The following OPCML variants were observed in gnomAD, a reference collection of about 807,000 sequenced individuals.
OPCML encodes opioid-binding protein/cell adhesion molecule.
A neutral mutation model predicts 37.8 loss-of-function variants in OPCML; 13 were observed. The ratio of observed to expected loss-of-function variants is 0.34; its 90% CI spans 0.22 to 0.55. OPCML has a LOEUF of 0.55. OPCML is among the 20% of genes least tolerant of loss of function. OPCML has a pLI of 0.91. For synonymous variants in OPCML, 176 were observed against 168.8 expected, an observed-to-expected ratio of 1.04 and a Z score of -0.33; for missense variants, 341 against 435.6, an observed-to-expected ratio of 0.78 and a Z score of 1.93.
At chr11:132,781,963 T>A (rs1168718224) in intron 2 of OPCML, among the ~76,000 whole-genome samples, 9 of 143,800 alleles carry the variant, frequency 6.3e-5, no homozygotes, top group Non-Finnish European at 1.1e-4. Context: ...TATTTTTTTT[T>A]TTTTTTTTTC....
chr11:132,694,865 GA>G (rs1461207099), intron 2 of OPCML, among the ~76,000 whole-genome samples: 3 of 151,510 alleles, frequency 2.0e-5, no homozygotes, highest in Non-Finnish European at 4.4e-5. Context: ...ACAAAGGAAG[GA>G]ACAAGCATTT....
intron 4 of OPCML, among the ~76,000 whole-genome samples, chr11:132,497,762 A>G (rs976739889): frequency 3.3e-5 from 5 of 152,192 alleles, no homozygotes; most frequent in Non-Finnish European, 7.3e-5. Flanking sequence ...GGTGGCACTC[A>G]ATGTTTCAGA....
At chr11:133,042,702 C>T (rs1165601839) in intron 1 of OPCML, among the ~76,000 whole-genome samples, 2 of 152,094 alleles carry the variant, frequency 1.3e-5, no homozygotes, top group African/African-American at 4.8e-5. Flanking sequence ...TCCAGGGAAC[C>T]ACAGGGGTAG....
intron 1 of OPCML, among the ~76,000 whole-genome samples, chr11:133,342,887 T>C (rs1943906686): frequency 6.6e-6 from 1 of 152,182 alleles, no homozygotes; most frequent in Admixed American, 6.5e-5. Context: ...TTTTGGAGAC[T>C]CATGAGGAAG....
chr11:133,286,268 G>A (rs1288420617), intron 1 of OPCML, among the ~76,000 whole-genome samples: 1 of 151,932 alleles, frequency 6.6e-6, no homozygotes, highest in African/African-American at 2.4e-5. Flanking sequence ...GGCTAACACA[G>A]TGAAAACCCG....
At chr11:132,534,923 C>G (rs115706826) in intron 3 of OPCML, among the ~76,000 whole-genome samples, 1,939 of 151,856 alleles carry the variant, frequency 0.013, 42 homozygotes, top group African/African-American at 0.039. Context: ...TAATCTGTGC[C>G]TAATTGCTCA....
At chr11:132,683,896 T>G (rs1943057534) in intron 2 of OPCML, among the ~76,000 whole-genome samples, 1 of 152,202 alleles carries the variant, frequency 6.6e-6, no homozygotes, top group Admixed American at 6.5e-5. Context: ...AAGCTCCCTT[T>G]CAGTTTTAAT....
chr11:132,451,281 A>T (rs530156266), intron 4 of OPCML, among the ~76,000 whole-genome samples: 44 of 150,558 alleles, frequency 2.9e-4, no homozygotes, highest in Non-Finnish European at 5.5e-4. Context: ...TCATCCAGGA[A>T]CTCTTCTATC....
chr11:133,484,145 T>TA (rs1947476249), intron 1 of OPCML, among the ~76,000 whole-genome samples: 1 of 147,602 alleles, frequency 6.8e-6, no homozygotes, highest in African/African-American at 2.6e-5. Context: ...AGATGATAGA[T>TA]GGATAGATAG....
chr11:133,072,415 T>G (rs1948552819), intron 1 of OPCML, among the ~76,000 whole-genome samples: 1 of 152,128 alleles, frequency 6.6e-6, no homozygotes, highest in South Asian at 2.1e-4. Context: ...CTGTAAGTTG[T>G]AGGAGGAGTA....
In OPCML at chr11:133,174,058, C is replaced by T. The variant is rs566349267; in HGVS notation, c.62-231048G>A. Among the ~76,000 whole-genome samples, 3 of 152,350 alleles carry T rather than the reference C, an allele frequency of 2.0e-5. No individual in the cohort carries two copies. The South Asian group carries it at 6.2e-4, about 32-fold the overall frequency. On this transcript the variant is annotated intron_variant, in intron 1 of 7. Transcript: ENST00000524381. This position sits in a 1 kb window ranked among gnomAD's most constrained non-coding sequence, Gnocchi z 4.6. ...CAGGCCCTGCACTGCGGCCATAAATCAGGAACTAATTCAATCCTGTGAGAT... is the reference window on the plus strand; with the variant it reads ...CAGGCCCTGCACTGCGGCCATAAATTAGGAACTAATTCAATCCTGTGAGAT...
chr11:132,674,227 T>TCAC (rs1370099755), intron 2 of OPCML, among the ~76,000 whole-genome samples: 2 of 152,146 alleles, frequency 1.3e-5, no homozygotes, highest in African/African-American at 4.8e-5. Context: ...AAAAGAAAAC[T>TCAC]TAGCATCACA....
chr11:133,140,532 A>AAGAAGAAGG (rs952619679), intron 1 of OPCML, among the ~76,000 whole-genome samples: 2 of 31,808 alleles, frequency 6.3e-5, no homozygotes, highest in African/African-American at 2.9e-4. Flanking sequence ...TAATAATAAT[A>AAGAAGAAGG]AGAAGAAGAA....
At chr11:133,371,523 A>G (rs942807806) in intron 1 of OPCML, among the ~76,000 whole-genome samples, 1 of 152,184 alleles carries the variant, frequency 6.6e-6, no homozygotes, top group East Asian at 1.9e-4. Flanking sequence ...AGTTTCCCTC[A>G]TGCTGTTCTT....
chr11:133,303,389 T>A (rs1942830726), intron 1 of OPCML, among the ~76,000 whole-genome samples: 1 of 152,208 alleles, frequency 6.6e-6, no homozygotes, highest in African/African-American at 2.4e-5. Context: ...TATCACTTGC[T>A]TTCTACCTTC....
At chr11:133,204,936 T>C (rs1305747210) in intron 1 of OPCML, among the ~76,000 whole-genome samples, 1 of 143,430 alleles carries the variant, frequency 7.0e-6, no homozygotes, top group Non-Finnish European at 1.5e-5. Context: ...ATGGTCTTTG[T>C]CCTCTTTCTT....
chr11:133,326,184 A>C (rs1456047320), intron 1 of OPCML, among the ~76,000 whole-genome samples: 1 of 151,854 alleles, frequency 6.6e-6, no homozygotes, highest in East Asian at 1.9e-4. Context: ...TGAGAGCTTT[A>C]TTCCACCCGA....
At chr11:133,112,126 G>A (rs187609486) in intron 1 of OPCML, among the ~76,000 whole-genome samples, 38 of 151,952 alleles carry the variant, frequency 2.5e-4, no homozygotes, top group Non-Finnish European at 4.4e-4. Flanking sequence ...CTTTGGATAT[G>A]GTGACAGGCA....
At chr11:132,920,273 G>A (rs925569417) in intron 2 of OPCML, among the ~76,000 whole-genome samples, 5 of 152,288 alleles carry the variant, frequency 3.3e-5, no homozygotes, top group East Asian at 1.9e-4. Flanking sequence ...GGAGTCTAAC[G>A]CAGTGACACT....
Sources: allele counts gnomAD v4.1 joint callset (sites outside exome capture counted in the v4.1 genomes callset), GRCh38; gene constraint gnomAD v4.1.1; non-coding constraint Gnocchi (gnomAD v3.1); transcripts MANE v1.5; gene names NCBI Gene and HGNC (gene_info 2026-07-23, HGNC 2026-07-21).